Variants in NSUN3 observed in about 807,000 individuals in gnomAD.
The protein encoded by NSUN3 is tRNA (cytosine(34)-C(5))-methyltransferase, mitochondrial.
NSUN3 carries 24 observed loss-of-function variants against 36.8 expected under a neutral mutation model. The ratio of observed to expected loss-of-function variants is 0.65; its 90% CI spans 0.47 to 0.92. The LOEUF is 0.92. Among genes scored for constraint, NSUN3 ranks in the 40% least tolerant of loss-of-function variants. The pLI is 0.00. For missense variants in NSUN3, 381 were observed against 392.8 expected (o/e 0.97, Z 0.25); for synonymous variants, 146 against 145.2 (o/e 1.01, Z -0.04).
chr3:94,089,772 A>G (rs1262500252), intron 3 of NSUN3, among the ~76,000 whole-genome samples: 1 of 152,168 alleles, frequency 6.6e-6, no homozygotes, highest in African/African-American at 2.4e-5. Context: ...TTCCAAGTGA[A>G]CTGTCCTTTC....
Position 94,126,244 on chromosome 3 carries a change from A to G in NSUN3, c.777A>G (p.Ile259Met). ...TTAAGGCCTTACGTCCTGGAGGGAT[A>G]CTTGTATACTCTACATGCACGCTTT... ...SAIKALRPGG[I>M]LVYSTCTLSK... Residue 259 changes from isoleucine (I) to methionine (M), a missense_variant, in exon 6 of 6, where the codon ATA becomes ATG. By Grantham distance (10) the Ile-to-Met change is conservative (BLOSUM62 1). Transcript: ENST00000314622. The G allele has an allele frequency of 1.2e-6, 2 of 1,614,000 alleles. No individual in the cohort carries two copies. The highest frequency in any genetic ancestry group is 1.7e-6 in the Non-Finnish European group (2 of 1,179,948).
At chr3:94,067,218 C>T (rs2077207731) in intron 2 of NSUN3, among the ~76,000 whole-genome samples, 1 of 152,150 alleles carries the variant, frequency 6.6e-6, no homozygotes, top group South Asian at 2.1e-4. Flanking sequence ...TGCATACTGT[C>T]ATACATTACT....
intron 3 of NSUN3, among the ~76,000 whole-genome samples, chr3:94,093,807 G>T (rs1424761422): frequency 1.3e-5 from 2 of 152,140 alleles, no homozygotes; most frequent in African/African-American, 2.4e-5. Flanking sequence ...TGAGGTATTG[G>T]TTGTATAACA....
chr3:94,077,155 G>T (rs1361915875), intron 2 of NSUN3: 6 of 725,126 alleles, frequency 8.3e-6, no homozygotes, highest in East Asian at 2.6e-5. Flanking sequence ...GTCATCAAAG[G>T]CTGCTTCCTT....
chr3:94,114,031 A>G (rs1209869094), intron 5 of NSUN3, among the ~76,000 whole-genome samples: 2 of 152,202 alleles, frequency 1.3e-5, no homozygotes, highest in Non-Finnish European at 2.9e-5. Context: ...TATGCTCTAT[A>G]AAAGGACTGC....
intron 2 of NSUN3, among the ~76,000 whole-genome samples, chr3:94,080,924 T>G (rs1334695854): frequency 2.0e-5 from 3 of 152,122 alleles, no homozygotes; most frequent in African/African-American, 7.2e-5. Flanking sequence ...AACTGTTCTG[T>G]CTCGCTGGTG....
intron 5 of NSUN3, among the ~76,000 whole-genome samples, chr3:94,113,688 G>A (rs1481851014): frequency 1.3e-5 from 2 of 152,120 alleles, no homozygotes; most frequent in African/African-American, 2.4e-5. Context: ...TTTAATACAG[G>A]CTGTTTGTCT....
Position 94,093,475 on chromosome 3 carries a change from G to A in NSUN3, c.467-665G>A, listed in dbSNP as rs1330864208. On this transcript the variant is annotated intron_variant, in intron 3 of 5. Coordinates refer to ENST00000314622, the MANE Select transcript of NSUN3 (RefSeq NM_022072.5). ...GACAGAGATTGTCACTATGATCTAG[G>A]CAAGATTGCTTATGATAAAGATGAC... is the stretch of plus-strand genomic sequence containing the variant. Among the ~76,000 whole-genome samples the A allele has an allele frequency of 2.6e-5, 4 of 152,094 alleles. No homozygotes were observed. The East Asian group carries it at 7.7e-4, about 29-fold the overall frequency.
chr3:94,129,497 G>C lies in NSUN3; in HGVS notation c.*3007G>C, dbSNP rs1471090300. On this transcript the variant is annotated 3_prime_UTR_variant, in exon 6 of 6. Transcript: ENST00000314622. ...TAGACACTGGTGACTACTAGAGTGG[G>C]GAGGGGAGGAGGGGGATGTAGGCTG... 6.6e-6 allele frequency among the ~76,000 whole-genome samples: 1 copy of C among 152,062 alleles called. No homozygotes were observed. Among genetic ancestry groups the C allele is most frequent in the East Asian group, 1.9e-4 (1 of 5,170 alleles).
intron 2 of NSUN3, among the ~76,000 whole-genome samples, chr3:94,075,482 A>G (rs1560030225): frequency 2.0e-5 from 3 of 152,114 alleles, no homozygotes; most frequent in Non-Finnish European, 4.4e-5. Context: ...AATCTTCCCT[A>G]TTTCCTGAAT....
chr3:94,125,320 G>A (rs895390604), intron 5 of NSUN3, among the ~76,000 whole-genome samples: 1 of 152,086 alleles, frequency 6.6e-6, no homozygotes, highest in Non-Finnish European at 1.5e-5. Context: ...GACAATAAAA[G>A]TACTAGAGGT....
chr3:94,083,540 T>C (rs1331665602), intron 2 of NSUN3, among the ~76,000 whole-genome samples: 1 of 152,156 alleles, frequency 6.6e-6, no homozygotes, highest in African/African-American at 2.4e-5. Context: ...GGTTACACTC[T>C]TGTGCAAATA....
chr3:94,080,572 T>G (rs1439825361), intron 2 of NSUN3, among the ~76,000 whole-genome samples: 1 of 152,202 alleles, frequency 6.6e-6, no homozygotes, highest in Non-Finnish European at 1.5e-5. Flanking sequence ...AGTCCCTTAC[T>G]GAAGCTGCTG....
chr3:94,113,848 GACTA>G (rs2077428716), intron 5 of NSUN3, among the ~76,000 whole-genome samples: 1 of 152,062 alleles, frequency 6.6e-6, no homozygotes, highest in Non-Finnish European at 1.5e-5. Context: ...TTTAATGAAG[GACTA>G]ACTACTTTTG....
intron 3 of NSUN3, chr3:94,085,115 C>T (rs2077286403): frequency 6.6e-6 from 1 of 152,244 alleles, no homozygotes; most frequent in South Asian, 2.1e-4. Context: ...TTCAGGTGTT[C>T]ATAGCCACAT....
intron 5 of NSUN3, among the ~76,000 whole-genome samples, chr3:94,107,974 C>CTTTTTT (rs11437686): frequency 8.7e-6 from 1 of 114,460 alleles, no homozygotes; most frequent in Non-Finnish European, 1.7e-5. Flanking sequence ...TTTTTTTTTC[C>CTTTTTT]TTTTTTTTTT....
intron 5 of NSUN3, among the ~76,000 whole-genome samples, chr3:94,106,512 A>G (rs930227258): frequency 6.6e-6 from 1 of 152,234 alleles, no homozygotes; most frequent in African/African-American, 2.4e-5. Context: ...TGATGACGGC[A>G]TTAGGTAACT....
rs1005222745 is a variant in NSUN3 at position 94,128,423 on chromosome 3, T to A, written c.*1933T>A. 6.6e-6 allele frequency: 1 copy of A among 151,932 alleles called. No homozygotes were observed. The highest frequency in any genetic ancestry group is 1.5e-5 in the Non-Finnish European group (1 of 67,984). The allele number at this position is 151,932 out of a possible 1,614,324, so 9.4% of individuals were successfully genotyped here. ...AATAGGTTTCTTTTATGTAGGTTAA[T>A]CACAGAGTAAATCTGCACACTGTAC... On this transcript the variant is annotated 3_prime_UTR_variant, in exon 6 of 6. Transcript: ENST00000314622.
chr3:94,089,901 G>C (rs2077307574), intron 3 of NSUN3, among the ~76,000 whole-genome samples: 1 of 152,118 alleles, frequency 6.6e-6, no homozygotes, highest in African/African-American at 2.4e-5. Flanking sequence ...AAGAATTGAA[G>C]TTGCTGCAGA....
Sources: gnomAD v4.1 joint callset for allele counts (sites outside exome capture counted in the v4.1 genomes callset) on GRCh38, gnomAD v4.1.1 for gene constraint, MANE v1.5 for transcripts, NCBI Gene and HGNC (gene_info 2026-07-23, HGNC 2026-07-21) for gene names.